The following SGCG variants were observed in gnomAD, a reference collection of about 807,000 sequenced individuals.
SGCG encodes gamma-sarcoglycan.
A neutral mutation model predicts 29.3 loss-of-function variants in SGCG; 26 were observed. The observed-to-expected ratio is 0.89, with a 90% confidence interval of 0.65 to 1.23. The LOEUF (loss-of-function observed/expected upper bound fraction) is 1.23, where lower values mean the gene tolerates loss of function less well. Among genes scored for constraint, SGCG ranks in the 50% most tolerant of loss-of-function variants. The pLI, the probability that SGCG is intolerant of heterozygous loss-of-function variation, is 0.00. For synonymous variants in SGCG, 145 were observed against 129.7 expected (o/e 1.12, Z -0.80); for missense variants, 353 against 356.0 (o/e 0.99, Z 0.07).
At chr13:23,173,622 T>C in the SGCG span, among the ~76,000 whole-genome samples, 2 of 152,220 alleles carry the variant, frequency 1.3e-5, no homozygotes, top group Non-Finnish European at 2.9e-5. Flanking sequence ...GCTACCATCA[T>C]CCACTTTCTA....
chr13:23,180,415 A>G (rs1484497994), upstream of SGCG, among the ~76,000 whole-genome samples: 1 of 152,190 alleles, frequency 6.6e-6, no homozygotes, highest in Non-Finnish European at 1.5e-5. Flanking sequence ...ACCTTCTATT[A>G]TGGTGATCTT....
chr13:23,288,281 C>A (rs984804508), intron 5 of SGCG, among the ~76,000 whole-genome samples: 8 of 152,236 alleles, frequency 5.3e-5, no homozygotes, highest in African/African-American at 1.9e-4. Context: ...AAATCCAATT[C>A]TTTGCTTCTT....
At chr13:23,237,337 G>A (rs766312246) in intron 3 of SGCG, among the ~76,000 whole-genome samples, 2 of 152,128 alleles carry the variant, frequency 1.3e-5, no homozygotes, top group Non-Finnish European at 2.9e-5. Flanking sequence ...AAACAAATAC[G>A]TGGTAATAAA....
intron 2 of SGCG, among the ~76,000 whole-genome samples, chr13:23,224,466 C>A (rs1238664128): frequency 1.3e-5 from 2 of 152,168 alleles, no homozygotes; most frequent in Admixed American, 6.5e-5. Context: ...CAGCGCTAGA[C>A]ACGCATAATA....
At chr13:23,305,546 G>A (rs1381925330) in intron 6 of SGCG, among the ~76,000 whole-genome samples, 1 of 152,174 alleles carries the variant, frequency 6.6e-6, no homozygotes, top group African/African-American at 2.4e-5. Flanking sequence ...ATTTCCCAAT[G>A]TCCTCAATGC....
At chr13:23,305,458 A>T (rs1374134630) in intron 6 of SGCG, among the ~76,000 whole-genome samples, 3 of 152,244 alleles carry the variant, frequency 2.0e-5, no homozygotes, top group Non-Finnish European at 2.9e-5. Context: ...ATACTATCAG[A>T]TCATTTGCAA....
chr13:23,292,119 C>CTTTTTTTTTTTTTTTTTTTTTTT (rs71100167), intron 5 of SGCG, among the ~76,000 whole-genome samples: 1 of 147,462 alleles, frequency 6.8e-6, no homozygotes, highest in African/African-American at 2.6e-5. Context: ...ACATTTCTTT[C>CTTTTTTTTTTTTTTTTTTTTTTT]TTTTTTTTGA....
chr13:23,224,728 A>G (rs529565464), intron 2 of SGCG, among the ~76,000 whole-genome samples: 22 of 151,600 alleles, frequency 1.5e-4, no homozygotes, highest in Non-Finnish European at 1.5e-5. Context: ...ATTTTTTCCT[A>G]CTAAGCCAGG....
rs534622619 is a variant in SGCG at position 23,193,396 on chromosome 13, G to A, written c.1-10299G>A. Among the ~76,000 whole-genome samples, 5 of 152,306 alleles carry A rather than the reference G, an allele frequency of 3.3e-5. No homozygotes were observed. In the South Asian group the frequency reaches 8.3e-4, roughly 25 times the overall value. On this transcript the variant is annotated intron_variant, in intron 1 of 7. Coordinates refer to ENST00000218867, the MANE Select transcript of SGCG (RefSeq NM_000231.3). ...ATTAAGAGAGGCAGAGTGGGTGGAG[G>A]AGACCCTGAAGAGGCTGCACCGTCA... is the stretch of plus-strand genomic sequence containing the variant.
chr13:23,296,617 T>G (rs1881920688), intron 6 of SGCG, among the ~76,000 whole-genome samples: 2 of 152,296 alleles, frequency 1.3e-5, no homozygotes, highest in South Asian at 4.2e-4. Flanking sequence ...CACTCACCAT[T>G]CTACTTTCTG....
intron 2 of SGCG, among the ~76,000 whole-genome samples, chr13:23,231,164 G>T (rs921290043): frequency 6.6e-6 from 1 of 152,062 alleles, no homozygotes; most frequent in Non-Finnish European, 1.5e-5. Flanking sequence ...TTAGCTTTTT[G>T]ATTTTCTGCT....
chr13:23,299,899 G>C (rs1348966235), intron 6 of SGCG, among the ~76,000 whole-genome samples: 1 of 152,152 alleles, frequency 6.6e-6, no homozygotes, highest in Non-Finnish European at 1.5e-5. Context: ...TTATGTGCCA[G>C]ATATAAAAGG....
chr13:23,233,117 T>C (rs1428896575), intron 2 of SGCG, among the ~76,000 whole-genome samples: 9 of 152,192 alleles, frequency 5.9e-5, no homozygotes, highest in Non-Finnish European at 2.9e-5. Flanking sequence ...CGCACACCCA[T>C]GTTCATAGCA....
intron 6 of SGCG, 138 bp downstream of exon 6, chr13:23,295,625 A>T: frequency 2.8e-6 from 2 of 722,778 alleles, no homozygotes; most frequent in Non-Finnish European, 5.0e-6. Context: ...CTTTCCGCTT[A>T]TAACTAGATA....
chr13:23,249,759 A>C (rs1879888517), intron 3 of SGCG, among the ~76,000 whole-genome samples: 1 of 152,214 alleles, frequency 6.6e-6, no homozygotes, highest in Non-Finnish European at 1.5e-5. Context: ...AATGGACAGC[A>C]TTCATATAGA....
chr13:23,192,087 A>G (rs147131335), intron 1 of SGCG, among the ~76,000 whole-genome samples: 4,291 of 151,068 alleles, frequency 0.028, 123 homozygotes, highest in East Asian at 0.15. Context: ...AGGCTGCAGA[A>G]TGACGTGAAC....
intron 1 of SGCG, among the ~76,000 whole-genome samples, chr13:23,191,911 C>T (rs1421468967): frequency 6.6e-6 from 1 of 152,112 alleles, no homozygotes; most frequent in Non-Finnish European, 1.5e-5. Context: ...GTCGGCCGGG[C>T]GCGGTGGCTC....
chr13:23,266,298 T>C (rs149571167), intron 4 of SGCG, among the ~76,000 whole-genome samples: 8 of 103,816 alleles, frequency 7.7e-5, no homozygotes, highest in African/African-American at 2.4e-4. Context: ...CTATATCACA[T>C]ATATATATAT....
chr13:23,264,265 G>A (rs906600939), intron 4 of SGCG, among the ~76,000 whole-genome samples: 1 of 151,886 alleles, frequency 6.6e-6, no homozygotes, highest in Non-Finnish European at 1.5e-5. Context: ...ACACAAATTA[G>A]TAGCACTGCT....
Sources: gnomAD v4.1 joint callset for allele counts (sites outside exome capture counted in the v4.1 genomes callset) on GRCh38, gnomAD v4.1.1 for gene constraint, MANE v1.5 for transcripts, NCBI Gene and HGNC (gene_info 2026-07-23, HGNC 2026-07-21) for gene names.